TTBK2: variants seen among roughly 807,000 people sequenced by gnomAD.
The protein encoded by TTBK2 is tau tubulin kinase 2.
TTBK2 carries 28 observed loss-of-function variants against 110.8 expected under a neutral mutation model. That is an observed-to-expected ratio of 0.25 (90% CI 0.19 to 0.35). The LOEUF (loss-of-function observed/expected upper bound fraction) is 0.35, where lower values mean the gene tolerates loss of function less well. Among genes scored for constraint, TTBK2 ranks in the 10% least tolerant of loss-of-function variants. The pLI is 1.00. For missense variants in TTBK2, 1,369 were observed against 1,500.3 expected, an observed-to-expected ratio of 0.91 and a Z score of 1.45; for synonymous variants, 532 against 527.3, an observed-to-expected ratio of 1.01 and a Z score of -0.12.
In TTBK2 at chr15:42,763,117, TACAC is replaced by T. The variant is rs527717082; in HGVS notation, c.1999-9874_1999-9871del. On this transcript the variant is annotated intron_variant, in intron 13 of 14. Transcript: ENST00000267890. Reference sequence around the variant, plus strand: ...ATATATATATACGTATATATATATATACACATATATATACATATATACATACATA... The same window carrying T: ...ATATATATATACGTATATATATATATATATATATACATATATACATACATA... 2.5e-4 allele frequency among the ~76,000 whole-genome samples: 27 copies of T among 108,126 alleles called. 1 individual carries two copies. Among genetic ancestry groups the T allele is most frequent in the African/African-American group, 1.2e-3 (26 of 22,488 alleles). 70.9% of individuals were successfully genotyped at this position (108,126 alleles called of 152,430 possible).
At chr15:42,831,225 GT>G (rs1210035412) in intron 4 of TTBK2, among the ~76,000 whole-genome samples, 3 of 151,800 alleles carry the variant, frequency 2.0e-5, no homozygotes, top group Non-Finnish European at 4.4e-5. Context: ...TATATTTAAA[GT>G]TTTTTTGTGT....
At chr15:42,783,273 T>C (rs561578671) in intron 11 of TTBK2, 146 bp downstream of exon 11, 2 of 745,220 alleles carry the variant, frequency 2.7e-6, no homozygotes, top group Non-Finnish European at 4.6e-6. Flanking sequence ...GAGATCCCTT[T>C]CCCCATCTAC....
At chr15:42,812,358 T>C (rs1891760032) in intron 7 of TTBK2, among the ~76,000 whole-genome samples, 1 of 151,672 alleles carries the variant, frequency 6.6e-6, no homozygotes, top group Non-Finnish European at 1.5e-5. Context: ...AAAAAATGAG[T>C]TTTAAAAAAA....
At chr15:42,830,559 CAA>C (rs1361875478) in intron 4 of TTBK2, among the ~76,000 whole-genome samples, 1 of 152,076 alleles carries the variant, frequency 6.6e-6, no homozygotes, top group Non-Finnish European at 1.5e-5. Flanking sequence ...ATGTTTCAGA[CAA>C]GTTTTAGAAA....
chr15:42,862,717 T>C (rs931156461), intron 3 of TTBK2, among the ~76,000 whole-genome samples: 5 of 151,980 alleles, frequency 3.3e-5, no homozygotes, highest in African/African-American at 1.2e-4. Flanking sequence ...GAAGAAACCC[T>C]GTCTCTACTA....
At chr15:42,766,826 A>C (rs1290132356) in intron 13 of TTBK2, among the ~76,000 whole-genome samples, 2 of 152,216 alleles carry the variant, frequency 1.3e-5, no homozygotes, top group Admixed American at 6.5e-5. Flanking sequence ...TCAACAGAAT[A>C]TACATTCTTC....
At chr15:42,842,920 G>A (rs1487091577) in intron 3 of TTBK2, among the ~76,000 whole-genome samples, 1 of 152,088 alleles carries the variant, frequency 6.6e-6, no homozygotes, top group African/African-American at 2.4e-5. Context: ...GCAAAATAGT[G>A]TTATCTATTA....
chr15:42,818,107 G>A (rs748744417), intron 6 of TTBK2, among the ~76,000 whole-genome samples: 6 of 151,964 alleles, frequency 3.9e-5, no homozygotes, highest in South Asian at 2.1e-4. Flanking sequence ...ATGAGGTCTC[G>A]CTCTGTAGCC....
In TTBK2 at chr15:42,859,234, G is replaced by A. The variant is rs192581061; in HGVS notation, c.217+13377C>T. Among the ~76,000 whole-genome samples the A allele has an allele frequency of 3.9e-5, 6 of 152,188 alleles. No individual in the cohort carries two copies. In the East Asian group the frequency reaches 1.2e-3, roughly 29 times the overall value. ...ATCTTCCCACCTCTCAGCCTCCTGA[G>A]TAGCTGGGACTACAGGTGCACACCA... is the stretch of plus-strand genomic sequence containing the variant. On this transcript the variant is annotated intron_variant, in intron 3 of 14. Coordinates refer to ENST00000267890, the MANE Select transcript of TTBK2 (RefSeq NM_173500.4).
intron 2 of TTBK2, among the ~76,000 whole-genome samples, chr15:42,877,529 A>G (rs529131725): frequency 6.6e-6 from 1 of 152,334 alleles, no homozygotes; most frequent in Admixed American, 6.5e-5. Flanking sequence ...GAACCTAGAA[A>G]TGAAAAGTAA....
chr15:42,756,767 C>G (rs2061952754), intron 13 of TTBK2, among the ~76,000 whole-genome samples: 1 of 151,538 alleles, frequency 6.6e-6, no homozygotes, highest in Non-Finnish European at 1.5e-5. Context: ...GCATGGTGGC[C>G]TGTACCTGTA....
At chr15:42,913,127 G>C (rs1356112912) in intron 1 of TTBK2, among the ~76,000 whole-genome samples, 1 of 101,062 alleles carries the variant, frequency 9.9e-6, no homozygotes, top group Non-Finnish European at 1.7e-5. Context: ...GCGAGACTCC[G>C]TCTCAAAAAA....
At position 42,746,248 on chromosome 15, in the gene TTBK2, T is replaced by A; in HGVS notation, c.3282A>T (p.Arg1094Ser). ...AGTTACTACTCCCTAGGACTTTATA[T>A]CTGCGTAGCCTTAAAAGAACAGAGA... ...TRPGVEARLR[R>S]YKVLGSSNSD... The change falls in exon 15 of 15, where the codon AGA (arginine) becomes AGT (serine). Residue 1094 changes from arginine to serine, a missense_variant. Physicochemically the swap from Arg to Ser is moderately radical, Grantham distance 110. Transcript: ENST00000267890. 1 of 1,612,540 alleles carries A rather than the reference T, an allele frequency of 6.2e-7. No individual in the cohort carries two copies. The highest frequency in any genetic ancestry group is 8.5e-7 in the Non-Finnish European group (1 of 1,178,714).
rs2061782507 is a variant in TTBK2, at chr15:42,745,784, C to A, written c.*11G>T. 1 of 1,613,652 alleles carries A rather than the reference C, an allele frequency of 6.2e-7. No homozygotes were observed. Among genetic ancestry groups the A allele is most frequent in the Admixed American group, 1.7e-5 (1 of 60,002 alleles). On this transcript the variant is annotated 3_prime_UTR_variant, in exon 15 of 15. Coordinates refer to ENST00000267890, the MANE Select transcript of TTBK2 (RefSeq NM_173500.4). ...AGATCTCACACCTTTCAAAGAGATG[C>A]AGCCTGGCTCCTATCTGCTGAGTTT...
chr15:42,814,251 G>A (rs1383628997), intron 7 of TTBK2, among the ~76,000 whole-genome samples: 3 of 152,054 alleles, frequency 2.0e-5, no homozygotes, highest in Non-Finnish European at 4.4e-5. Flanking sequence ...GTTTTTAAAA[G>A]TCCTTGTATT....
At position 42,742,062 on chromosome 15, in the gene TTBK2, G is replaced by A. The variant is rs1305113824; in HGVS notation, c.*3733C>T. On this transcript the variant is annotated 3_prime_UTR_variant, in exon 15 of 15. Transcript: ENST00000267890. Reference sequence around the variant, plus strand: ...ATGTGGCCTGGAAGGAATCTCTGAAGATACTGAAGAACCTCAAGTTCCCTA... The same window carrying A: ...ATGTGGCCTGGAAGGAATCTCTGAAAATACTGAAGAACCTCAAGTTCCCTA... The A allele has an allele frequency of 6.6e-6, 1 of 152,240 alleles. No individual in the cohort carries two copies. The highest frequency in any genetic ancestry group is 1.5e-5 in the Non-Finnish European group (1 of 68,052). 9.4% of individuals were successfully genotyped at this position (152,240 alleles called of 1,614,324 possible).
Position 42,742,672 on chromosome 15 carries a change from T to C in TTBK2, c.*3123A>G, listed in dbSNP as rs779968239. On this transcript the variant is annotated 3_prime_UTR_variant, in exon 15 of 15. Transcript: ENST00000267890. ...TGTGACTGACTAGGTAACCAGCTAT[T>C]CTGTTGTGACAGAAGAAACCAGGTA... is the stretch of plus-strand genomic sequence containing the variant. 1 of 152,224 alleles carries C rather than the reference T, an allele frequency of 6.6e-6. No individual in the cohort carries two copies. The highest frequency in any genetic ancestry group is 2.4e-5 in the African/African-American group (1 of 41,460). 9.4% of individuals were successfully genotyped at this position (152,224 alleles called of 1,614,324 possible). A position where few individuals can be genotyped will look rare whatever the true frequency, so the allele number is the denominator to read the frequency against.
intron 3 of TTBK2, among the ~76,000 whole-genome samples, chr15:42,852,767 T>C (rs1467957307): frequency 2.0e-5 from 3 of 152,226 alleles, no homozygotes; most frequent in African/African-American, 4.8e-5. Flanking sequence ...CAACAGATAG[T>C]TCTCAGAGAC....
intron 14 of TTBK2, among the ~76,000 whole-genome samples, chr15:42,750,764 C>T (rs1332330367): frequency 6.6e-6 from 1 of 152,030 alleles, no homozygotes; most frequent in South Asian, 2.1e-4. Flanking sequence ...ATCCCAGAAG[C>T]TCAACAAACT....
Sources: allele counts gnomAD v4.1 joint callset (sites outside exome capture counted in the v4.1 genomes callset), GRCh38; gene constraint gnomAD v4.1.1; transcripts MANE v1.5; gene names NCBI Gene and HGNC (gene_info 2026-07-23, HGNC 2026-07-21).